ACTR1A: variants seen among roughly 807,000 people sequenced by gnomAD.
ACTR1A encodes the protein alpha-centractin.
Under a neutral mutation model 50.7 loss-of-function variants are expected in ACTR1A, and 10 were observed. The ratio of observed to expected loss-of-function variants is 0.20; its 90% confidence interval spans 0.12 to 0.33. The LOEUF (loss-of-function observed/expected upper bound fraction) is 0.33. ACTR1A is among the 10% of genes least tolerant of loss of function. ACTR1A has a pLI of 1.00. For missense variants in ACTR1A, 253 were observed against 491.7 expected (o/e 0.51, Z 4.59); for synonymous variants, 177 against 184.2 (o/e 0.96, Z 0.32).
intron 1 of ACTR1A, among the ~76,000 whole-genome samples, chr10:102,497,440 T>C (rs900882773): frequency 2.0e-5 from 3 of 151,946 alleles, no homozygotes; most frequent in Non-Finnish European, 4.4e-5. Context: ...TGGATGGATC[T>C]AGGCATGGTG....
chr10:102,501,856 A>T (rs1441013345), intron 1 of ACTR1A, among the ~76,000 whole-genome samples: 3 of 152,242 alleles, frequency 2.0e-5, no homozygotes, highest in Non-Finnish European at 4.4e-5. Flanking sequence ...CGTAAGAACT[A>T]GGCGTTCCAA....
In ACTR1A at chr10:102,498,090, C is replaced by CA. The variant is rs10719520; in HGVS notation, c.48+4509dup. On this transcript the variant is annotated intron_variant, in intron 1 of 10. Coordinates refer to ENST00000369905, the MANE Select transcript of ACTR1A (RefSeq NM_005736.4). ...TGGGCAACAGAGTGAGACCTTGTCTCAAAAAAAAAAAAAAGATAGGGTTGT... is the reference window on the plus strand; with the variant it reads ...TGGGCAACAGAGTGAGACCTTGTCTCAAAAAAAAAAAAAAAGATAGGGTTGT... 9.1e-3 allele frequency among the ~76,000 whole-genome samples: 1,187 copies of CA among 130,496 alleles called. 17 individuals are homozygous for CA. Among genetic ancestry groups the CA allele is most frequent in the East Asian group, 0.032 (141 of 4,450 alleles). 85.6% of individuals were successfully genotyped at this position (130,496 alleles called of 152,430 possible). A position where few individuals can be genotyped will look rare whatever the true frequency, so the allele number is the denominator to read the frequency against.
chr10:102,487,350 G>T, intron 4 of ACTR1A, among the ~76,000 whole-genome samples: 1 of 152,080 alleles, frequency 6.6e-6, no homozygotes, highest in East Asian at 1.9e-4. Flanking sequence ...GGAGGCAGAG[G>T]TTGCAGTGAG....
At chr10:102,501,415 A>C (rs1470744489) in intron 1 of ACTR1A, among the ~76,000 whole-genome samples, 1 of 152,256 alleles carries the variant, frequency 6.6e-6, no homozygotes, top group Non-Finnish European at 1.5e-5. Context: ...TGACAGAGTC[A>C]GCTTACAACA....
Position 102,489,063 on chromosome 10 carries a change from C to T in ACTR1A, c.189G>A (p.Glu63=). Residue 63 remains glutamate (E), a splice_region_variant and synonymous_variant, in exon 3 of 11, where the codon GAG becomes GAA. Transcript: ENST00000369905. ...CTTGTTCTGTAGGCCTGGGAATTAC[C>T]TCAGCTTTGGGGCCAATGAAGATGT... The part of the protein sequence containing the change: ...EGDIFIGPKA[E]EHRGLLSIRY... The T allele has an allele frequency of 6.4e-7, 1 of 1,566,724 alleles. No homozygotes were observed. Among genetic ancestry groups the T allele is most frequent in the Non-Finnish European group, 8.7e-7 (1 of 1,155,802 alleles).
At position 102,481,732 on chromosome 10, in the gene ACTR1A, T is replaced by C. The variant is rs1009615941; in HGVS notation, c.987+105A>G. The stretch of plus-strand genomic sequence containing the variant: ...GAACCTGGCGCTGCTTGTAGAGCCA[T>C]GGCTGCTTGAAGAGCTTGGGCAAAG... On this transcript the variant is annotated intron_variant, in intron 9 of 10. Transcript: ENST00000369905. 1.0e-5 allele frequency: 14 copies of C among 1,360,830 alleles called. No individual in the cohort carries two copies. In the Admixed American group the frequency reaches 2.4e-4, roughly 23 times the overall value. The allele number at this position is 1,360,830 out of a possible 1,614,324, so 84.3% of individuals were successfully genotyped here.
Position 102,479,709 on chromosome 10 carries a change from C to T in ACTR1A, c.*1154G>A, listed in dbSNP as rs1193350954. The stretch of plus-strand genomic sequence containing the variant: ...TACAACCTAGTCCCCTGGTCAGCTA[C>T]AGTGGCAAAAGGCAACTTGGTAAAT... On this transcript the variant is annotated 3_prime_UTR_variant, in exon 11 of 11. Coordinates refer to ENST00000369905, the MANE Select transcript of ACTR1A (RefSeq NM_005736.4). This position sits in a 1 kb window ranked among gnomAD's most constrained non-coding sequence, Gnocchi z 4.0. 3 of 1,285,604 alleles carry T rather than the reference C, an allele frequency of 2.3e-6. No homozygotes were observed. Among genetic ancestry groups the T allele is most frequent in the Non-Finnish European group, 3.0e-6 (3 of 986,110 alleles). The allele number at this position is 1,285,604 out of a possible 1,614,324, so 79.6% of individuals were successfully genotyped here.
intron 1 of ACTR1A, among the ~76,000 whole-genome samples, chr10:102,501,697 C>A (rs1326592122): frequency 1.3e-5 from 2 of 152,148 alleles, no homozygotes; most frequent in Non-Finnish European, 2.9e-5. Flanking sequence ...TACGTCTTCG[C>A]GCTTCAGTTT....
chr10:102,481,821 C>T lies in ACTR1A; in HGVS notation c.987+16G>A. 6.2e-7 allele frequency: 1 copy of T among 1,612,116 alleles called. No homozygotes were observed. Among genetic ancestry groups the T allele is most frequent in the Admixed American group, 1.7e-5 (1 of 60,016 alleles). On this transcript the variant is annotated intron_variant, in intron 9 of 10. Transcript: ENST00000369905. ...AAGCCTAGTTCCACCCAGGCCAGGC[C>T]CCACCATGCTCCTACCCTGATCTTC...
intron 1 of ACTR1A, among the ~76,000 whole-genome samples, chr10:102,499,224 C>T (rs2135590551): frequency 6.6e-6 from 1 of 152,276 alleles, no homozygotes; most frequent in East Asian, 1.9e-4. Flanking sequence ...ACATTATTCT[C>T]ATTATATGTA....
chr10:102,489,002 T>C, intron 3 of ACTR1A, 61 bp downstream of exon 3: 10 of 1,281,202 alleles, frequency 7.8e-6, no homozygotes, highest in Non-Finnish European at 1.1e-5. Flanking sequence ...ACATGTTCCA[T>C]GTGGTGAATA....
chr10:102,499,559 A>G (rs1179877498), intron 1 of ACTR1A, among the ~76,000 whole-genome samples: 3 of 152,184 alleles, frequency 2.0e-5, no homozygotes, highest in Non-Finnish European at 2.9e-5. Flanking sequence ...AAGAGAAAGA[A>G]AAAAATTAAG....
rs2062233646 is a variant in ACTR1A at position 102,498,665 on chromosome 10, G to A, written c.48+3935C>T. On this transcript the variant is annotated intron_variant, in intron 1 of 10. Coordinates refer to ENST00000369905, the MANE Select transcript of ACTR1A (RefSeq NM_005736.4). ...TTTTTTTTTTTAAAGTAGAGATGAAGTCTCACTATGTTGCCCAGGCTGGTC... is the reference window on the plus strand; with the variant it reads ...TTTTTTTTTTTAAAGTAGAGATGAAATCTCACTATGTTGCCCAGGCTGGTC... 2.7e-5 allele frequency among the ~76,000 whole-genome samples: 4 copies of A among 150,836 alleles called. 1 individual carries two copies. The South Asian group carries it at 6.3e-4, about 24-fold the overall frequency.
intron 1 of ACTR1A, 36 bp from the exon 2 acceptor site, chr10:102,490,649 T>A: frequency 6.5e-7 from 1 of 1,533,972 alleles, no homozygotes; most frequent in Non-Finnish European, 9.0e-7. Context: ...GAGTCAGAAC[T>A]ATCACAAATA....
At chr10:102,491,568 CTG>C (rs2062194478) in intron 1 of ACTR1A, among the ~76,000 whole-genome samples, 1 of 152,190 alleles carries the variant, frequency 6.6e-6, no homozygotes, top group South Asian at 2.1e-4. Flanking sequence ...AAAGCCTACT[CTG>C]AGAATAGAAG....
intron 6 of ACTR1A, 136 bp from the exon 7 acceptor site, chr10:102,483,239 C>A: frequency 1.4e-6 from 1 of 728,030 alleles, no homozygotes; most frequent in Admixed American, 2.0e-5. Context: ...TAGCTGCTGC[C>A]CAGAAGCAGG....
In ACTR1A at chr10:102,484,267, C is replaced by T. The variant is rs772353561; in HGVS notation, c.550G>A (p.Asp184Asn). 7.4e-6 allele frequency: 12 copies of T among 1,614,054 alleles called. No homozygotes were observed. The highest frequency in any genetic ancestry group is 1.3e-5 in the African/African-American group (1 of 74,918). ...FAMPHSIMRIDIAGRDVSRFL... is the reference protein window; with the variant it reads ...FAMPHSIMRINIAGRDVSRFL... ...CGAGAGACGTCCCGGCCCGCGATGTCGATGCGCATGATGGAGTGGGGCATG... is the reference window on the plus strand; with the variant it reads ...CGAGAGACGTCCCGGCCCGCGATGTTGATGCGCATGATGGAGTGGGGCATG... The change falls in exon 6 of 11, where the codon GAC (aspartate) becomes AAC (asparagine). Residue 184 changes from aspartate to asparagine, a missense_variant. Asp to Asn is a conservative substitution (Grantham distance 23). This residue lies in a region of ACTR1A where 116 missense variants were observed against 155.9 expected (regional missense o/e 0.74). Coordinates refer to ENST00000369905, the MANE Select transcript of ACTR1A (RefSeq NM_005736.4).
In ACTR1A at chr10:102,481,818, G is replaced by A. The variant is rs761741780; in HGVS notation, c.987+19C>T. 6.2e-7 allele frequency: 1 copy of A among 1,612,166 alleles called. No homozygotes were observed. The highest frequency in any genetic ancestry group is 8.5e-7 in the Non-Finnish European group (1 of 1,179,960). Reference sequence around the variant, plus strand: ...TGGAAGCCTAGTTCCACCCAGGCCAGGCCCCACCATGCTCCTACCCTGATC... The same window carrying A: ...TGGAAGCCTAGTTCCACCCAGGCCAAGCCCCACCATGCTCCTACCCTGATC... On this transcript the variant is annotated intron_variant, in intron 9 of 10. Transcript: ENST00000369905.
At chr10:102,481,585 C>T (rs573917149) in intron 9 of ACTR1A, among the ~76,000 whole-genome samples, 1 of 152,274 alleles carries the variant, frequency 6.6e-6, no homozygotes, top group East Asian at 1.9e-4. Flanking sequence ...CGCAGGGGGC[C>T]CTCTACCTAG....
Sources: allele counts gnomAD v4.1 joint callset (sites outside exome capture counted in the v4.1 genomes callset), GRCh38; gene constraint gnomAD v4.1.1; regional missense constraint gnomAD v4.1.1; non-coding constraint Gnocchi (gnomAD v3.1); transcripts MANE v1.5; gene names NCBI Gene and HGNC (gene_info 2026-07-23, HGNC 2026-07-21).